Variants in TBCD observed in about 807,000 individuals in gnomAD.
TBCD encodes tubulin folding cofactor D.
Under a neutral mutation model 169.3 loss-of-function variants are expected in TBCD, and 105 were observed. The ratio of observed to expected loss-of-function variants is 0.62; its 90% CI spans 0.53 to 0.73. The LOEUF is 0.73. TBCD is among the 30% of genes least tolerant of loss of function. TBCD has a pLI of 0.00. For synonymous variants in TBCD, 700 were observed against 643.9 expected, an observed-to-expected ratio of 1.09 and a Z score of -1.32; for missense variants, 1,444 against 1,600.1, an observed-to-expected ratio of 0.90 and a Z score of 1.66.
At chr17:82,850,051 TTGTTG>T (rs1598921862) in intron 13 of TBCD, among the ~76,000 whole-genome samples, 6 of 26,296 alleles carry the variant, frequency 2.3e-4, no homozygotes, top group African/African-American at 3.2e-4. Context: ...GGCTGTGCTG[TTGTTG>T]GCTGTGCTGC....
In TBCD at chr17:82,905,918, C is replaced by A; in HGVS notation, c.1805-18C>A. On this transcript the variant is annotated intron_variant, in intron 19 of 38. Transcript: ENST00000355528. ...ATGTACACACCCTCACCTGCCCTCT[C>A]GGCCCTGTCTCTTGCAGTCTTCCCG... The A allele has an allele frequency of 6.3e-7, 1 of 1,594,274 alleles. No homozygotes were observed. Among genetic ancestry groups the A allele is most frequent in the South Asian group, 1.1e-5 (1 of 88,432 alleles).
intron 37 of TBCD, among the ~76,000 whole-genome samples, chr17:82,940,217 G>GCACACACACA (rs576338657): frequency 2.3e-4 from 23 of 101,450 alleles, no homozygotes; most frequent in African/African-American, 7.5e-4. Flanking sequence ...TCACTTGCAC[G>GCACACACACA]CGCGCACACA....
rs1160199539 is a variant in TBCD, at chr17:82,864,849, A to G, written c.1319-5375A>G. On this transcript the variant is annotated intron_variant, in intron 13 of 38. Transcript: ENST00000355528. The surrounding 1 kb of genome is among the most constrained non-coding windows in gnomAD (Gnocchi z 6.3). ...CCGTGGGGACAGCGGGGGCCTGCTCACTCCCCGGGGCACCGTGGGGACAGC... is the reference window on the plus strand; with the variant it reads ...CCGTGGGGACAGCGGGGGCCTGCTCGCTCCCCGGGGCACCGTGGGGACAGC... Among the ~76,000 whole-genome samples the G allele has an allele frequency of 2.7e-5, 4 of 146,676 alleles. No individual in the cohort carries two copies. The highest frequency in any genetic ancestry group is 4.5e-5 in the Non-Finnish European group (3 of 66,218).
intron 13 of TBCD, among the ~76,000 whole-genome samples, chr17:82,844,738 CAT>C (rs1374406800): frequency 7.0e-6 from 1 of 143,654 alleles, no homozygotes; most frequent in Non-Finnish European, 1.6e-5. Flanking sequence ...CTATTTTTTA[CAT>C]GTTCAACCCC....
chr17:82,752,784 T>G (rs1234606576), intron 1 of TBCD, among the ~76,000 whole-genome samples: 1 of 152,114 alleles, frequency 6.6e-6, no homozygotes, highest in Non-Finnish European at 1.5e-5. Context: ...CTCCCAGGCT[T>G]GCCTCCACCG....
chr17:82,786,325 C>A (rs2049314471), intron 7 of TBCD, among the ~76,000 whole-genome samples: 1 of 152,186 alleles, frequency 6.6e-6, no homozygotes, highest in South Asian at 2.1e-4. Context: ...AATGGGAGGT[C>A]TAACAGGATG....
At chr17:82,791,132 C>T (rs1175950282) in intron 7 of TBCD, among the ~76,000 whole-genome samples, 1 of 138,770 alleles carries the variant, frequency 7.2e-6, no homozygotes, top group African/African-American at 2.7e-5. Flanking sequence ...CGCTCTGTTG[C>T]CCTGGCTGGA....
intron 17 of TBCD, among the ~76,000 whole-genome samples, chr17:82,896,461 T>TTG (rs200262902): frequency 3.8e-4 from 54 of 141,300 alleles, no homozygotes; most frequent in South Asian, 2.4e-3. Context: ...CAGTTTTTTT[T>TTG]TTTTTTTTTT....
At position 82,806,483 on chromosome 17, in the gene TBCD, CAG is replaced by C. The variant is rs543717749; in HGVS notation, c.1087+475_1087+476del. On this transcript the variant is annotated intron_variant, in intron 10 of 38. Transcript: ENST00000355528. The surrounding 1 kb of genome is among the most constrained non-coding windows in gnomAD (Gnocchi z 5.1). ...TGTGGGGTCTCCTGCTGCACAGAGA[CAG>C]AGCCATCAGCGGAGCCCCTCATGGC... Among the ~76,000 whole-genome samples, 472 of 152,234 alleles carry C rather than the reference CAG, an allele frequency of 3.1e-3. 3 individuals carry two copies. Among genetic ancestry groups the C allele is most frequent in the African/African-American group, 0.011 (449 of 41,524 alleles).
At chr17:82,896,640 A>G (rs1381330848) in intron 17 of TBCD, among the ~76,000 whole-genome samples, 2 of 150,934 alleles carry the variant, frequency 1.3e-5, no homozygotes, top group Non-Finnish European at 3.0e-5. Context: ...TAATTTTTGT[A>G]TTTTTCTGTG....
chr17:82,823,327 G>A (rs542232172), intron 13 of TBCD, among the ~76,000 whole-genome samples: 1 of 152,250 alleles, frequency 6.6e-6, no homozygotes, highest in Non-Finnish European at 1.5e-5. Context: ...AGCACGTCCT[G>A]ACATGGCCCC....
intron 18 of TBCD, among the ~76,000 whole-genome samples, chr17:82,901,880 C>T (rs1042678600): frequency 2.6e-5 from 4 of 152,194 alleles, no homozygotes; most frequent in Non-Finnish European, 5.9e-5. Context: ...TCCCCTAAAC[C>T]GAACCTAGGG....
At chr17:82,753,885 T>TTTTTTTTTTG (rs2047256418) in intron 1 of TBCD, among the ~76,000 whole-genome samples, 1 of 123,424 alleles carries the variant, frequency 8.1e-6, no homozygotes, top group Admixed American at 7.7e-5. Flanking sequence ...TTTTTTTTTT[T>TTTTTTTTTTG]GAGGCGGAGT....
In TBCD at chr17:82,886,267, G is replaced by A. The variant is rs866025974; in HGVS notation, c.1533+2065G>A. On this transcript the variant is annotated intron_variant, in intron 15 of 38. Transcript: ENST00000355528. The stretch of plus-strand genomic sequence containing the variant: ...TTCTCAGCATTGGCAGGAGCATGGC[G>A]ACTCAGGCAGTCAGTGTGTGAGTGA... 5.2e-5 allele frequency: 8 copies of A among 152,388 alleles called. No homozygotes were observed. In the South Asian group the frequency reaches 6.2e-4, roughly 12 times the overall value. The allele number at this position is 152,388 out of a possible 1,614,324, so 9.4% of individuals were successfully genotyped here. A position where few individuals can be genotyped will look rare whatever the true frequency, so the allele number is the denominator to read the frequency against.
intron 7 of TBCD, chr17:82,795,667 T>A (rs2050048164): frequency 2.1e-6 from 2 of 933,162 alleles, no homozygotes; most frequent in African/African-American, 3.6e-5. Flanking sequence ...GCTGGTGGCA[T>A]CAGTGACAGC....
At chr17:82,830,352 C>G (rs2053370784) in intron 13 of TBCD, 2 of 1,613,598 alleles carry the variant, frequency 1.2e-6, no homozygotes, top group East Asian at 4.5e-5. Flanking sequence ...CCGCAGCATC[C>G]CCATCGCCCA....
chr17:82,909,995 G>GAT (rs146738547), intron 22 of TBCD, among the ~76,000 whole-genome samples: 1,535 of 152,354 alleles, frequency 0.01, 32 homozygotes, highest in African/African-American at 0.034. Flanking sequence ...GTGTCTTTGA[G>GAT]ATACCTGTGT....
At position 82,929,407 on chromosome 17, in the gene TBCD, C is replaced by T; in HGVS notation, c.2898C>T (p.Phe966=). 3 of 1,612,970 alleles carry T rather than the reference C, an allele frequency of 1.9e-6. No individual in the cohort carries two copies. The highest frequency in any genetic ancestry group is 2.5e-6 in the Non-Finnish European group (3 of 1,179,902). The change falls in exon 32 of 39, where the codon TTC becomes TTT. Residue 966 remains phenylalanine (F), a synonymous_variant. Transcript: ENST00000355528. ...SVNWSAPSQA[F]PRITQLLGLP... ...ACTGGAGTGCACCTTCCCAGGCCTT[C>T]CCACGCATCACCCAGCTCCTTGGGC...
At chr17:82,938,771 A>G (rs1344225219) in intron 36 of TBCD, among the ~76,000 whole-genome samples, 1 of 150,416 alleles carries the variant, frequency 6.6e-6, no homozygotes, top group African/African-American at 2.4e-5. Context: ...CCCTGATGAA[A>G]AGAGAGCAGG....
Sources: allele counts gnomAD v4.1 joint callset (sites outside exome capture counted in the v4.1 genomes callset), GRCh38; gene constraint gnomAD v4.1.1; non-coding constraint Gnocchi (gnomAD v3.1); transcripts MANE v1.5; gene names NCBI Gene and HGNC (gene_info 2026-07-23, HGNC 2026-07-21).